Variants in TP73 observed in about 807,000 individuals in gnomAD.
The protein encoded by TP73 is tumor protein p73, also known as p53-like transcription factor.
A neutral mutation model predicts 62.5 loss-of-function variants in TP73; 25 were observed. That is an observed-to-expected ratio of 0.40 (90% CI 0.29 to 0.56). The LOEUF is 0.56. TP73 is among the 20% of genes least tolerant of loss of function. The probability of loss-of-function intolerance (pLI) is 0.46; values close to 1 mark genes in which losing one functional copy is unlikely to be tolerated. For synonymous variants in TP73, 423 were observed against 377.5 expected (o/e 1.12, Z -1.40); for missense variants, 754 against 913.3 (o/e 0.83, Z 2.25).
chr1:3,665,659 T>C (rs1197725464), intron 1 of TP73, among the ~76,000 whole-genome samples: 1 of 23,508 alleles, frequency 4.3e-5, no homozygotes, highest in Admixed American at 4.1e-4. Context: ...TCTCTTTTCT[T>C]TTTTTTTTTT....
At chr1:3,718,820 G>A (rs1469941036) in intron 4 of TP73, among the ~76,000 whole-genome samples, 1 of 152,158 alleles carries the variant, frequency 6.6e-6, no homozygotes, top group Non-Finnish European at 1.5e-5. Context: ...AAGCCTCGGG[G>A]GACTCAGCCC....
At chr1:3,725,982 G>C (rs1426884888) in intron 6 of TP73, among the ~76,000 whole-genome samples, 3 of 122,154 alleles carry the variant, frequency 2.5e-5, no homozygotes, top group Non-Finnish European at 3.4e-5. Flanking sequence ...TGGATGGGTG[G>C]ATGGATGGAT....
intron 1 of TP73, among the ~76,000 whole-genome samples, chr1:3,661,247 A>G (rs1266198243): frequency 6.6e-6 from 1 of 152,218 alleles, no homozygotes; most frequent in African/African-American, 2.4e-5. Context: ...GGTCAAAAAG[A>G]CTTAATTTAG....
At chr1:3,661,981 G>A (rs1159055503) in intron 1 of TP73, among the ~76,000 whole-genome samples, 12 of 150,988 alleles carry the variant, frequency 7.9e-5, no homozygotes, top group African/African-American at 2.7e-4. Flanking sequence ...ATCCCTTGAA[G>A]CCCAGGAGTT....
intron 12 of TP73, 91 bp downstream of exon 12, chr1:3,731,156 T>G: frequency 6.6e-7 from 1 of 1,517,346 alleles, no homozygotes; most frequent in African/African-American, 1.4e-5. Flanking sequence ...TGCCCCACCC[T>G]GTGTGCTCAC....
chr1:3,729,008 CAGAGAGACAG>C (rs1055437341), intron 9 of TP73, among the ~76,000 whole-genome samples: 1 of 78,512 alleles, frequency 1.3e-5, no homozygotes, highest in Admixed American at 1.3e-4. Flanking sequence ...GAGAGAGAGA[CAGAGAGACAG>C]AGAGAGACAG....
intron 13 of TP73, among the ~76,000 whole-genome samples, chr1:3,732,406 C>T (rs1642202107): frequency 6.6e-6 from 1 of 152,200 alleles, no homozygotes; most frequent in Non-Finnish European, 1.5e-5. Context: ...GTGTGGTGCC[C>T]AGAGGGTGTT....
rs1255212690 is a variant in TP73, at chr1:3,734,543, G to A, written c.*1464G>A. ...GGCCAGCTCCACACCCCCTGCCTAG[G>A]GTATGTGTGGTCCTAAGGGCTAGGA... On this transcript the variant is annotated 3_prime_UTR_variant, in exon 14 of 14. Coordinates refer to ENST00000378295, the MANE Select transcript of TP73 (RefSeq NM_005427.4). This position sits in a 1 kb window ranked among gnomAD's most constrained non-coding sequence, Gnocchi z 4.4. The A allele has an allele frequency of 6.6e-6, 1 of 152,142 alleles. No individual in the cohort carries two copies. The highest frequency in any genetic ancestry group is 1.5e-5 in the Non-Finnish European group (1 of 68,040). The allele number at this position is 152,142 out of a possible 1,614,324, so 9.4% of individuals were successfully genotyped here.
chr1:3,667,889 A>T (rs1645156753), intron 1 of TP73, among the ~76,000 whole-genome samples: 1 of 152,238 alleles, frequency 6.6e-6, no homozygotes, highest in South Asian at 2.1e-4. Context: ...CCCTTGTGTT[A>T]CGGTGCACAG....
intron 3 of TP73, among the ~76,000 whole-genome samples, chr1:3,689,338 C>T (rs1421052750): frequency 6.6e-6 from 1 of 152,246 alleles, no homozygotes; most frequent in Non-Finnish European, 1.5e-5. Flanking sequence ...CTCCTGAGTG[C>T]TGCTGCCCTT....
In TP73 at chr1:3,701,308, G is replaced by A. The variant is rs749313535; in HGVS notation, c.187-6241G>A. Among the ~76,000 whole-genome samples, 57 of 152,062 alleles carry A rather than the reference G, an allele frequency of 3.7e-4. No homozygotes were observed. The highest frequency in any genetic ancestry group is 6.5e-4 in the Non-Finnish European group (44 of 68,008). ...TGGATTCCCGTCCCTGTTCCTCGGC[G>A]GAGCCTGCCCAGCCGTCGTTCCTCC... On this transcript the variant is annotated intron_variant, in intron 3 of 13. Transcript: ENST00000378295. The surrounding 1 kb of genome is among the most constrained non-coding windows in gnomAD (Gnocchi z 4.7).
chr1:3,719,806 C>T (rs1244567745), intron 4 of TP73, among the ~76,000 whole-genome samples: 1 of 152,212 alleles, frequency 6.6e-6, no homozygotes, highest in African/African-American at 2.4e-5. Context: ...CCCAAGCCTG[C>T]AGCTCCGACA....
At chr1:3,671,229 G>A (rs969832555) in intron 1 of TP73, among the ~76,000 whole-genome samples, 2 of 152,178 alleles carry the variant, frequency 1.3e-5, no homozygotes, top group Non-Finnish European at 2.9e-5. Flanking sequence ...GGAGAGGCGT[G>A]GGGTGTGGGA....
Position 3,729,419 on chromosome 1 carries a change from T to TCGG in TP73, c.1169_1171dup (p.Arg390dup), listed in dbSNP as rs1435301207. On this transcript the variant is annotated inframe_insertion, in exon 10 of 14. Transcript: ENST00000378295. ...TGCCGCAGCCACTGGTGGACTCCTA[T>TCGG]CGGCAGCAGCAGCAGCTCCTACAGA... The TCGG allele has an allele frequency of 8.1e-6, 13 of 1,612,726 alleles. No individual in the cohort carries two copies. Among genetic ancestry groups the TCGG allele is most frequent in the African/African-American group, 6.7e-5 (5 of 74,898 alleles).
intron 3 of TP73, among the ~76,000 whole-genome samples, chr1:3,691,156 G>T (rs539280704): frequency 1.3e-5 from 2 of 152,256 alleles, no homozygotes; most frequent in East Asian, 3.9e-4. Flanking sequence ...AACAGCCTGT[G>T]CCCACCTGCT....
chr1:3,691,538 C>A (rs1304652466), intron 3 of TP73, among the ~76,000 whole-genome samples: 2 of 152,154 alleles, frequency 1.3e-5, no homozygotes, highest in African/African-American at 4.8e-5. Context: ...CCGCCCCCTG[C>A]AGTGGGCTGC....
intron 2 of TP73, 100 bp downstream of exon 2, chr1:3,682,530 G>T: frequency 8.4e-7 from 1 of 1,196,398 alleles, no homozygotes. Flanking sequence ...GAGCAGGAGG[G>T]GTGGCCCCGG....
In TP73 at chr1:3,701,565, C is replaced by T. The variant is rs192798478; in HGVS notation, c.187-5984C>T. Reference sequence around the variant, plus strand: ...TGTCACCCAGGCTGGAGTGCTGTGGCGTGATCTCAGCTCACTGCAACCTCT... The same window carrying T: ...TGTCACCCAGGCTGGAGTGCTGTGGTGTGATCTCAGCTCACTGCAACCTCT... On this transcript the variant is annotated intron_variant, in intron 3 of 13. Transcript: ENST00000378295. The surrounding 1 kb of genome is among the most constrained non-coding windows in gnomAD (Gnocchi z 4.7). Among the ~76,000 whole-genome samples the T allele has an allele frequency of 2.5e-3, 375 of 152,228 alleles. 3 individuals carry two copies. Among genetic ancestry groups the T allele is most frequent in the African/African-American group, 8.8e-3 (364 of 41,540 alleles).
chr1:3,677,083 G>A (rs1326391550), intron 1 of TP73, among the ~76,000 whole-genome samples: 3 of 152,054 alleles, frequency 2.0e-5, no homozygotes, highest in African/African-American at 4.8e-5. Context: ...TCAGCTCCAG[G>A]GAGCTTGGGC....
Sources: gnomAD v4.1 joint callset for allele counts (sites outside exome capture counted in the v4.1 genomes callset) on GRCh38, gnomAD v4.1.1 for gene constraint, Gnocchi (gnomAD v3.1) non-coding constraint, MANE v1.5 for transcripts, NCBI Gene and HGNC (gene_info 2026-07-23, HGNC 2026-07-21) for gene names.